OPA3: variants seen among roughly 807,000 people sequenced by gnomAD.
OPA3 encodes optic atrophy 3 protein.
In OPA3, 6 loss-of-function variants were observed where a neutral mutation model predicts 4.0. The ratio of observed to expected loss-of-function variants is 1.51; its 90% confidence interval spans 0.83 to 2.99. The LOEUF (loss-of-function observed/expected upper bound fraction) is 2.99, where lower values mean the gene tolerates loss of function less well. Among genes scored for constraint, OPA3 ranks in the 30% most tolerant of loss-of-function variants. The pLI is 0.00. For synonymous variants in OPA3, 105 were observed against 117.1 expected, an observed-to-expected ratio of 0.90 and a Z score of 0.67; for missense variants, 235 against 256.2, an observed-to-expected ratio of 0.92 and a Z score of 0.56.
exon 2 of OPA3, chr19:45,528,770 T>G: frequency 2.5e-6 from 1 of 400,060 alleles, no homozygotes; most frequent in Non-Finnish European, 4.5e-6. Flanking sequence ...GACGCTGTCT[T>G]TCCAAAGTGC....
intron 1 of OPA3, among the ~76,000 whole-genome samples, chr19:45,582,671 G>A (rs1479957189): frequency 6.6e-6 from 1 of 152,030 alleles, no homozygotes; most frequent in East Asian, 1.9e-4. Context: ...CAGTTCCTGG[G>A]TTGGGGGGCC....
At chr19:45,577,390 A>T (rs1046016098) in intron 1 of OPA3, among the ~76,000 whole-genome samples, 6 of 152,218 alleles carry the variant, frequency 3.9e-5, no homozygotes, top group Admixed American at 3.9e-4. Context: ...GGAAATTCCA[A>T]TCACCATGGC....
Position 45,549,449 on chromosome 19 carries a change from G to C in OPA3, c.*4065C>G. On this transcript the variant is annotated 3_prime_UTR_variant, in exon 2 of 2. Coordinates refer to ENST00000263275, the MANE Select transcript of OPA3 (RefSeq NM_025136.4). ...TGGGTCAGGACAGCGCTGGGGTCAGGAATTGGAGCTCCTGCCTGTGTTCAC... is the reference window on the plus strand; with the variant it reads ...TGGGTCAGGACAGCGCTGGGGTCAGCAATTGGAGCTCCTGCCTGTGTTCAC... The C allele has an allele frequency of 1.0e-6, 1 of 985,208 alleles. No homozygotes were observed. Among genetic ancestry groups the C allele is most frequent in the Non-Finnish European group, 1.2e-6 (1 of 829,952 alleles). 61.0% of individuals were successfully genotyped at this position (985,208 alleles called of 1,614,324 possible). A position where few individuals can be genotyped will look rare whatever the true frequency, so the allele number is the denominator to read the frequency against.
At chr19:45,537,396 C>CAAAAAAAAAAAAAAAAAAAAAAAAAAAA (rs1181396046) in intron 1 of OPA3, among the ~76,000 whole-genome samples, 1 of 28,916 alleles carries the variant, frequency 3.5e-5, no homozygotes, top group African/African-American at 1.6e-4. Flanking sequence ...GACTCTGTCT[C>CAAAAAAAAAAAAAAAAAAAAAAAAAAAA]AAAAAAAAAA....
downstream of OPA3, among the ~76,000 whole-genome samples, chr19:45,541,363 A>AG (rs1218180777): frequency 6.6e-6 from 1 of 152,024 alleles, no homozygotes; most frequent in Non-Finnish European, 1.5e-5. Flanking sequence ...CCTGTACTAT[A>AG]GGGGGGTCTG....
Position 45,551,026 on chromosome 19 carries a change from T to C in OPA3, c.*2488A>G. On this transcript the variant is annotated 3_prime_UTR_variant, in exon 2 of 2. Coordinates refer to ENST00000263275, the MANE Select transcript of OPA3 (RefSeq NM_025136.4). ...TCCAGGCTGGAGTGTAGTGGCGCGA[T>C]CACGGCTCGCTGCAGCCTCGACCTC... 2.2e-6 allele frequency: 2 copies of C among 901,828 alleles called. No individual in the cohort carries two copies. The highest frequency in any genetic ancestry group is 2.7e-6 in the Non-Finnish European group (2 of 753,540). The allele number at this position is 901,828 out of a possible 1,614,324, so 55.9% of individuals were successfully genotyped here.
chr19:45,561,874 G>A (rs1162955530), intron 1 of OPA3, among the ~76,000 whole-genome samples: 3 of 152,014 alleles, frequency 2.0e-5, no homozygotes. Context: ...CCGGGAGGCA[G>A]AGGCTGCAGT....
At chr19:45,579,196 CA>C (rs201061421) in intron 1 of OPA3, among the ~76,000 whole-genome samples, 1,679 of 152,154 alleles carry the variant, frequency 0.011, 36 homozygotes, top group South Asian at 0.022. Flanking sequence ...TTTCCTAGAG[CA>C]ATTATTGCTA....
downstream of OPA3, among the ~76,000 whole-genome samples, chr19:45,541,945 G>A (rs1309823315): frequency 6.6e-6 from 1 of 152,188 alleles, no homozygotes; most frequent in African/African-American, 2.4e-5. Flanking sequence ...TAGGTCCACG[G>A]CAGTGGTAGG....
Position 45,553,902 on chromosome 19 carries a change from C to T in OPA3, c.152G>A (p.Trp51Ter), listed in dbSNP as rs747890876. The change falls in exon 2 of 2, where the codon TGG becomes TAG. Residue 51 changes from tryptophan (W) to a stop codon, truncating the protein, a stop_gained. Coordinates refer to ENST00000263275, the MANE Select transcript of OPA3 (RefSeq NM_025136.4). LOFTEE classifies it low-confidence loss of function (END_TRUNC). Reference protein sequence around the residue: ...ICLPPAQLYHWVEMRTKMRIM... With the variant: ...ICLPPAQLYH The stretch of plus-strand genomic sequence containing the variant: ...GCGCATCTTGGTCCGCATCTCCACC[C>T]AGTGATACACTGCGGGGGAAGAGAG... 3.1e-6 allele frequency: 5 copies of T among 1,606,292 alleles called. No individual in the cohort carries two copies. In the Admixed American group the frequency reaches 8.4e-5, roughly 27 times the overall value.
In OPA3 at chr19:45,572,804, ACTATATATATAGATATATATCT is replaced by A. The variant is rs1431725732; in HGVS notation, c.142+11797_142+11818del. Among the ~76,000 whole-genome samples the A allele has an allele frequency of 2.6e-4, 23 of 88,136 alleles. No homozygotes were observed. In the Admixed American group the frequency reaches 3.0e-3, roughly 11 times the overall value. 57.8% of individuals were successfully genotyped at this position (88,136 alleles called of 152,430 possible). A position where few individuals can be genotyped will look rare whatever the true frequency, so the allele number is the denominator to read the frequency against. On this transcript the variant is annotated intron_variant, in intron 1 of 1. Coordinates refer to ENST00000263275, the MANE Select transcript of OPA3 (RefSeq NM_025136.4). Reference sequence around the variant, plus strand: ...TACTATATATAGATATATATATCATACTATATATATAGATATATATCTCGATATATATCTATCTATATATATT... The same window carrying A: ...TACTATATATAGATATATATATCATACGATATATATCTATCTATATATATT...
At chr19:45,556,316 T>C (rs1050067089) in intron 1 of OPA3, among the ~76,000 whole-genome samples, 1 of 148,940 alleles carries the variant, frequency 6.7e-6, no homozygotes, top group African/African-American at 2.6e-5. Flanking sequence ...GCTAATTTTA[T>C]TTTTTTTGGG....
chr19:45,551,740 G>C lies in OPA3; in HGVS notation c.*1774C>G. ...TGGCCTAATTGGTAGGATGGGGGTG[G>C]GACCGGGGGCTATGGAGGCAGGAGG... On this transcript the variant is annotated 3_prime_UTR_variant, in exon 2 of 2. Coordinates refer to ENST00000263275, the MANE Select transcript of OPA3 (RefSeq NM_025136.4). The C allele has an allele frequency of 3.0e-6, 3 of 985,522 alleles. No homozygotes were observed. The highest frequency in any genetic ancestry group is 3.6e-6 in the Non-Finnish European group (3 of 830,010). The allele number at this position is 985,522 out of a possible 1,614,324, so 61.0% of individuals were successfully genotyped here.
rs1266771269 is a variant in OPA3 at position 45,548,228 on chromosome 19, G to C, written c.*5286C>G. 7 of 985,576 alleles carry C rather than the reference G, an allele frequency of 7.1e-6. No homozygotes were observed. Among genetic ancestry groups the C allele is most frequent in the Admixed American group, 6.2e-5 (1 of 16,260 alleles). The allele number at this position is 985,576 out of a possible 1,614,324, so 61.1% of individuals were successfully genotyped here. ...CTCAGCAACACAGCGACCAGCCCAG[G>C]AGTAGCTCCGTGAGCCAATAGATCA... On this transcript the variant is annotated 3_prime_UTR_variant, in exon 2 of 2. Transcript: ENST00000263275.
At chr19:45,584,271 G>C in intron 1 of OPA3, 1 of 917,112 alleles carries the variant, frequency 1.1e-6, no homozygotes, top group Non-Finnish European at 1.3e-6. Context: ...GACCCCGTCC[G>C]GTTTCTCCTC....
Position 45,548,025 on chromosome 19 carries a change from G to A in OPA3, c.*5489C>T. On this transcript the variant is annotated 3_prime_UTR_variant, in exon 2 of 2. Transcript: ENST00000263275. ...CTTTCCTTCTTTATTGCCGGTCTCTGGCACTAGAATGTCAGCTCCAGTGAG... is the reference window on the plus strand; with the variant it reads ...CTTTCCTTCTTTATTGCCGGTCTCTAGCACTAGAATGTCAGCTCCAGTGAG... 3 of 711,618 alleles carry A rather than the reference G, an allele frequency of 4.2e-6. No homozygotes were observed. Among genetic ancestry groups the A allele is most frequent in the Non-Finnish European group, 5.2e-6 (3 of 579,918 alleles). 44.1% of individuals were successfully genotyped at this position (711,618 alleles called of 1,614,324 possible). A position where few individuals can be genotyped will look rare whatever the true frequency, so the allele number is the denominator to read the frequency against.
At chr19:45,539,130 C>A (rs1599952495) in intron 1 of OPA3, among the ~76,000 whole-genome samples, 1 of 152,106 alleles carries the variant, frequency 6.6e-6, no homozygotes, top group South Asian at 2.1e-4. Context: ...GGGAAACCAC[C>A]CCCATGATCA....
chr19:45,578,157 G>A (rs1389972847), intron 1 of OPA3, among the ~76,000 whole-genome samples: 1 of 152,146 alleles, frequency 6.6e-6, no homozygotes, highest in Admixed American at 6.5e-5. Flanking sequence ...AACAAACATG[G>A]TAACAGCCCT....
rs781119036 is a variant in OPA3 at position 45,553,892 on chromosome 19, C to T, written c.162G>A (p.Met54Ile). 6.2e-7 allele frequency: 1 copy of T among 1,609,128 alleles called. No homozygotes were observed. The highest frequency in any genetic ancestry group is 8.5e-7 in the Non-Finnish European group (1 of 1,176,400). Residue 54 changes from methionine (M) to isoleucine (I), a missense_variant, in exon 2 of 2, where the codon ATG (methionine) becomes ATA (isoleucine). Coordinates refer to ENST00000263275, the MANE Select transcript of OPA3 (RefSeq NM_025136.4). ...PPAQLYHWVE[M>I]RTKMRIMGFR... is the part of the protein sequence containing the mutation. ...AGCCCATGATGCGCATCTTGGTCCGCATCTCCACCCAGTGATACACTGCGG... is the reference window on the plus strand; with the variant it reads ...AGCCCATGATGCGCATCTTGGTCCGTATCTCCACCCAGTGATACACTGCGG...
Sources: gnomAD v4.1 joint callset for allele counts (sites outside exome capture counted in the v4.1 genomes callset) on GRCh38, gnomAD v4.1.1 for gene constraint, MANE v1.5 for transcripts, NCBI Gene and HGNC (gene_info 2026-07-23, HGNC 2026-07-21) for gene names.